Variants in RNF213 observed in about 807,000 individuals in gnomAD.
The protein encoded by RNF213 is ring finger protein 213.
A neutral mutation model predicts 514.4 loss-of-function variants in RNF213; 341 were observed. The observed-to-expected ratio is 0.66, with a 90% CI of 0.61 to 0.73. The LOEUF is 0.73. RNF213 is among the 30% of genes least tolerant of loss of function. RNF213 has a pLI of 0.00. For missense variants in RNF213, 5,767 were observed against 6,615.6 expected (o/e 0.87, Z 4.45); for synonymous variants, 2,655 against 2,658.2 (o/e 1.00, Z 0.04).
intron 6 of RNF213, among the ~76,000 whole-genome samples, chr17:80,290,118 G>A (rs945561072): frequency 3.9e-5 from 6 of 152,200 alleles, no homozygotes; most frequent in South Asian, 2.1e-4. Context: ...GGTGCCTCCC[G>A]CCACTGTCCC....
intron 42 of RNF213, among the ~76,000 whole-genome samples, chr17:80,366,475 T>G (rs2079278670): frequency 6.6e-6 from 1 of 152,230 alleles, no homozygotes. Context: ...TTTGCATTTC[T>G]CTAATGACTA....
rs544869292 is a variant in RNF213, at chr17:80,337,868, T to C, written c.4704T>C (p.Pro1568=). ...ACACGGTTCTGCACTTGATCCTTCC[T>C]GAGAGCCCTGGCAGCCACGAGGAGT... ...SPDTVLHLIL[P]ESPGSHEESR... is the part of the protein sequence containing the mutation. The change falls in exon 25 of 68, where the codon CCT becomes CCC. Residue 1568 remains proline (P), a synonymous_variant. Coordinates refer to ENST00000582970, the MANE Select transcript of RNF213 (RefSeq NM_001256071.3). The C allele has an allele frequency of 1.3e-6, 2 of 1,537,150 alleles. No individual in the cohort carries two copies. Among genetic ancestry groups the C allele is most frequent in the African/African-American group, 2.7e-5 (2 of 73,044 alleles).
At position 80,393,583 on chromosome 17, in the gene RNF213, GT is replaced by G; in HGVS notation, c.*86del. The G allele has an allele frequency of 6.9e-7, 1 of 1,455,256 alleles. No individual in the cohort carries two copies. The highest frequency in any genetic ancestry group is 1.2e-5 in the South Asian group (1 of 85,792). 90.1% of individuals were successfully genotyped at this position (1,455,256 alleles called of 1,614,324 possible). Reference sequence around the variant, plus strand: ...GCGGCGTGGACTTGATCATGGACTGGTGCCTTTGCATTCAGAAGGAGAGCTG... The same window carrying G: ...GCGGCGTGGACTTGATCATGGACTGGGCCTTTGCATTCAGAAGGAGAGCTG... On this transcript the variant is annotated 3_prime_UTR_variant, in exon 68 of 68. Coordinates refer to ENST00000582970, the MANE Select transcript of RNF213 (RefSeq NM_001256071.3).
chr17:80,347,134 G>A lies in RNF213; in HGVS notation c.8799G>A (p.Ala2933=), dbSNP rs141391616. The A allele has an allele frequency of 1.1e-4, 172 of 1,614,022 alleles. No homozygotes were observed. The African/African-American group carries it at 1.6e-3, about 15-fold the overall frequency. ...LVQDRVQGYF[A]SFAKAYETVC... ...AGGACCGAGTCCAAGGGTACTTTGC[G>A]TCCTTTGCCAAAGCCTACGAAACGG... Residue 2933 remains alanine, a synonymous_variant, in exon 29 of 68, where the codon GCG becomes GCA. Coordinates refer to ENST00000582970, the MANE Select transcript of RNF213 (RefSeq NM_001256071.3). This position sits in a 1 kb window ranked among gnomAD's most constrained non-coding sequence, Gnocchi z 7.2.
Position 80,295,948 on chromosome 17 carries a change from C to G in RNF213, c.2012+135C>G, listed in dbSNP as rs376100931. 190 of 924,304 alleles carry G rather than the reference C, an allele frequency of 2.1e-4. No homozygotes were observed. In the East Asian group the frequency reaches 3.2e-3, roughly 15 times the overall value. The allele number at this position is 924,304 out of a possible 1,614,324, so 57.3% of individuals were successfully genotyped here. ...AAACCACCCGTGATTTTACCACTCA[C>G]TGTGGTCATGTCAGTAGTTTTTCCT... On this transcript the variant is annotated intron_variant, in intron 10 of 67. Coordinates refer to ENST00000582970, the MANE Select transcript of RNF213 (RefSeq NM_001256071.3).
chr17:80,305,327 C>G (rs989368024), intron 11 of RNF213, among the ~76,000 whole-genome samples: 1 of 149,768 alleles, frequency 6.7e-6, no homozygotes, highest in African/African-American at 2.4e-5. Context: ...TACAGGTGTG[C>G]GCCACCACGC....
rs532954848 is a variant in RNF213, at chr17:80,325,137, C to T, written c.3132C>T (p.Phe1044=). Residue 1044 remains phenylalanine, a synonymous_variant, in exon 18 of 68, where the codon TTC becomes TTT. Transcript: ENST00000582970. ...CCTGGCCTAGGACCGCGGACAACTT[C>T]GATGACATTTTAAAGCATCTGCTCA... The part of the protein sequence containing the change: ...TKSWPRTADN[F]DDILKHLLTL... The T allele has an allele frequency of 6.8e-5, 104 of 1,536,940 alleles. No individual in the cohort carries two copies. The highest frequency in any genetic ancestry group is 2.0e-4 in the East Asian group (8 of 40,916).
chr17:80,384,315 A>G (rs1236487929), intron 59 of RNF213, among the ~76,000 whole-genome samples: 1 of 152,206 alleles, frequency 6.6e-6, no homozygotes, highest in African/African-American at 2.4e-5. Flanking sequence ...CCTGTGCCTA[A>G]GCATCGAGGC....
chr17:80,353,525 C>G lies in RNF213; in HGVS notation c.10437C>G (p.His3479Gln), dbSNP rs2078611273. 6.2e-7 allele frequency: 1 copy of G among 1,611,066 alleles called. No homozygotes were observed. Among genetic ancestry groups the G allele is most frequent in the African/African-American group, 1.3e-5 (1 of 74,880 alleles). The stretch of plus-strand genomic sequence containing the variant: ...CTTCGACTGCAGTGGGCTTGGAACA[C>G]CGGGCGGAAGACGGCCATGAGGAGG... The part of the protein sequence containing the change: ...PGDLPELGLE[H>Q]RAEDGHEEAM... Residue 3479 changes from histidine (H) to glutamine (Q), a missense_variant, in exon 34 of 68, where the codon CAC (histidine) becomes CAG (glutamine). Around this residue, in one of 13 missense-constraint regions of RNF213, gnomAD observed 919 missense variants for 1,121.0 expected, o/e 0.82. Coordinates refer to ENST00000582970, the MANE Select transcript of RNF213 (RefSeq NM_001256071.3). The surrounding 1 kb of genome is among the most constrained non-coding windows in gnomAD (Gnocchi z 5.0).
In RNF213 at chr17:80,376,279, TGTTAA is replaced by T. The variant is rs755719620; in HGVS notation, c.13186-18_13186-14del. On this transcript the variant is annotated splice_polypyrimidine_tract_variant and intron_variant, in intron 51 of 67. Coordinates refer to ENST00000582970, the MANE Select transcript of RNF213 (RefSeq NM_001256071.3). ...CACAATATTCTTTGATACATCTTAA[TGTTAA>T]GTTTTTTTCCTGTCAGCAATGTGAA... 1 of 1,613,682 alleles carries T rather than the reference TGTTAA, an allele frequency of 6.2e-7. No homozygotes were observed. Among genetic ancestry groups the T allele is most frequent in the Non-Finnish European group, 8.5e-7 (1 of 1,179,670 alleles).
In RNF213 at chr17:80,367,786, T is replaced by C. The variant is rs1321880160; in HGVS notation, c.11910T>C (p.Pro3970=). ...ACTCTGACGTGAAGACGCACGGGCC[T>C]TTTGAGGCCGTGATGCGCACTCTCT... The part of the protein sequence containing the change: ...RENSDVKTHG[P]FEAVMRTLCE... Residue 3970 remains proline, a synonymous_variant, in exon 43 of 68, where the codon CCT becomes CCC. Transcript: ENST00000582970. 1 of 1,614,182 alleles carries C rather than the reference T, an allele frequency of 6.2e-7. No homozygotes were observed. Among genetic ancestry groups the C allele is most frequent in the African/African-American group, 1.3e-5 (1 of 75,064 alleles).
Position 80,291,793 on chromosome 17 carries a change from T to G in RNF213, c.1437T>G (p.Cys479Trp). The change falls in exon 8 of 68, where the codon TGT (cysteine) becomes TGG (tryptophan). Residue 479 changes from cysteine to tryptophan, a missense_variant. Physicochemically the swap from Cys to Trp is radical, Grantham distance 215. Around this residue, in one of 13 missense-constraint regions of RNF213, gnomAD observed 592 missense variants for 673.9 expected, o/e 0.88. Transcript: ENST00000582970. ...QQKKGEYVNR[C>W]LFIKSSLLGS... ...AGAAGGGCGAGTACGTCAACCGCTGTCTGTTCATAAAATCTTCACTTCTGG... is the reference window on the plus strand; with the variant it reads ...AGAAGGGCGAGTACGTCAACCGCTGGCTGTTCATAAAATCTTCACTTCTGG... 6.2e-7 allele frequency: 1 copy of G among 1,614,232 alleles called. No individual in the cohort carries two copies. Among genetic ancestry groups the G allele is most frequent in the Non-Finnish European group, 8.5e-7 (1 of 1,180,048 alleles).
chr17:80,320,112 C>A, intron 17 of RNF213: 2 of 660,852 alleles, frequency 3.0e-6, no homozygotes, highest in Non-Finnish European at 3.8e-6. Flanking sequence ...ACAGTCATCA[C>A]CACAGTTAAT....
chr17:80,344,121 C>A, intron 28 of RNF213, 106 bp downstream of exon 28: 1 of 1,188,812 alleles, frequency 8.4e-7, no homozygotes, highest in Non-Finnish European at 1.2e-6. Context: ...CTTTGCCTTA[C>A]TTAGTGCAGC....
At chr17:80,383,611 G>T (rs2080110686) in intron 58 of RNF213, 66 bp from the exon 59 acceptor site, 1 of 1,547,836 alleles carries the variant, frequency 6.5e-7, no homozygotes, top group African/African-American at 1.4e-5. Flanking sequence ...GGAGTTACTG[G>T]GTGTTACAAT....
chr17:80,386,742 G>C lies in RNF213; in HGVS notation c.14773G>C (p.Val4925Leu), dbSNP rs1599211214. Residue 4925 changes from valine (V) to leucine (L), a missense_variant, in exon 63 of 68, where the codon GTG becomes CTG. Around this residue, in one of 13 missense-constraint regions of RNF213, gnomAD observed 1,245 missense variants for 1,339.0 expected, o/e 0.93. Coordinates refer to ENST00000582970, the MANE Select transcript of RNF213 (RefSeq NM_001256071.3). ...TGAACTGCATGTCATCAGTTATGAA[G>C]TGGAGCGGGACCTGACTCCACTGAT... ...VTELHVISYE[V>L]ERDLTPLILS... 1 of 1,614,118 alleles carries C rather than the reference G, an allele frequency of 6.2e-7. No homozygotes were observed. The highest frequency in any genetic ancestry group is 1.3e-5 in the African/African-American group (1 of 74,940).
intron 42 of RNF213, among the ~76,000 whole-genome samples, chr17:80,367,015 G>T (rs1256939865): frequency 6.6e-6 from 1 of 152,204 alleles, no homozygotes; most frequent in Admixed American, 6.5e-5. Context: ...CAAGAATGTT[G>T]AATACAGGAC....
At position 80,346,148 on chromosome 17, in the gene RNF213, A is replaced by G. The variant is rs1328996425; in HGVS notation, c.7813A>G (p.Ile2605Val). The change falls in exon 29 of 68, where the codon ATC (isoleucine) becomes GTC (valine). Residue 2605 changes from isoleucine (I) to valine (V), a missense_variant. Physicochemically the swap from Ile to Val is conservative, Grantham distance 29 (BLOSUM62 3). Around this residue, in one of 13 missense-constraint regions of RNF213, gnomAD observed 1,377 missense variants for 1,635.2 expected, o/e 0.84. Coordinates refer to ENST00000582970, the MANE Select transcript of RNF213 (RefSeq NM_001256071.3). This position sits in a 1 kb window ranked among gnomAD's most constrained non-coding sequence, Gnocchi z 8.1. ...QQIVQRLVES[I>V]SLDENGTRVI... ...GATTGTCCAGAGACTGGTTGAGTCC[A>G]TCAGCCTAGATGAAAACGGGACTCG... The G allele has an allele frequency of 1.9e-6, 3 of 1,614,054 alleles. No individual in the cohort carries two copies. In the African/African-American group the frequency reaches 4.0e-5, roughly 22 times the overall value.
Position 80,336,272 on chromosome 17 carries a change from C to T in RNF213, c.4421C>T (p.Ser1474Phe), listed in dbSNP as rs373484744. Reference protein sequence around the residue: ...CFHDAVQGYASLLFKLDPSVD... With the variant: ...CFHDAVQGYAFLLFKLDPSVD... ...CATGACGCTGTGCAGGGCTACGCAT[C>T]CCTGCTATTTAAGCTGGACCCCAGC... The change falls in exon 23 of 68, where the codon TCC becomes TTC. Residue 1474 changes from serine to phenylalanine, a missense_variant. Physicochemically the swap from Ser to Phe is radical, Grantham distance 155 (BLOSUM62 -2). Around this residue, in one of 13 missense-constraint regions of RNF213, gnomAD observed 1,377 missense variants for 1,635.2 expected, o/e 0.84. Transcript: ENST00000582970. 143 of 1,537,142 alleles carry T rather than the reference C, an allele frequency of 9.3e-5. 2 individuals are homozygous for T. The highest frequency in any genetic ancestry group is 7.8e-4 in the East Asian group (32 of 40,924).
Sources: allele counts gnomAD v4.1 joint callset (sites outside exome capture counted in the v4.1 genomes callset), GRCh38; gene constraint gnomAD v4.1.1; regional missense constraint gnomAD v4.1.1; non-coding constraint Gnocchi (gnomAD v3.1); transcripts MANE v1.5; gene names NCBI Gene and HGNC (gene_info 2026-07-23, HGNC 2026-07-21).